The following MINDY2 variants were observed in gnomAD, a reference collection of about 807,000 sequenced individuals.
MINDY2 encodes ubiquitin carboxyl-terminal hydrolase MINDY-2.
A neutral mutation model predicts 68.2 loss-of-function variants in MINDY2; 52 were observed. The observed-to-expected ratio is 0.76, with a 90% CI of 0.61 to 0.96. The LOEUF (loss-of-function observed/expected upper bound fraction) is 0.96, where lower values mean the gene tolerates loss of function less well. MINDY2 is among the 40% of genes least tolerant of loss of function. MINDY2 has a pLI of 0.00. For missense variants in MINDY2, 881 were observed against 773.4 expected, an observed-to-expected ratio of 1.14 and a Z score of -1.65; for synonymous variants, 372 against 303.0, an observed-to-expected ratio of 1.23 and a Z score of -2.36.
chr15:58,804,334 T>C (rs1364571387), intron 3 of MINDY2, among the ~76,000 whole-genome samples: 1 of 152,226 alleles, frequency 6.6e-6, no homozygotes, highest in East Asian at 1.9e-4. Context: ...GTTTAATTTA[T>C]ATCATGTATT....
intron 7 of MINDY2, among the ~76,000 whole-genome samples, chr15:58,849,295 G>T (rs1181541698): frequency 3.3e-5 from 5 of 152,058 alleles, no homozygotes; most frequent in African/African-American, 1.2e-4. Flanking sequence ...GAGGTCGGGA[G>T]ATCAAGACCA....
At chr15:58,852,802 T>C (rs1220755448) in intron 8 of MINDY2, among the ~76,000 whole-genome samples, 1 of 152,108 alleles carries the variant, frequency 6.6e-6, no homozygotes, top group African/African-American at 2.4e-5. Flanking sequence ...TCACTTTCTG[T>C]AGTTAAACGG....
At chr15:58,791,664 G>GTGTA (rs1322155359) in intron 2 of MINDY2, among the ~76,000 whole-genome samples, 1 of 139,874 alleles carries the variant, frequency 7.1e-6, no homozygotes, top group African/African-American at 2.7e-5. Flanking sequence ...GTGTGTGTAT[G>GTGTA]TGTGTGTGTG....
At chr15:58,843,312 G>A (rs1248784316) in intron 6 of MINDY2, among the ~76,000 whole-genome samples, 1 of 151,980 alleles carries the variant, frequency 6.6e-6, no homozygotes, top group African/African-American at 2.4e-5. Flanking sequence ...ACTACACCTG[G>A]CTAACTTTTT....
chr15:58,818,290 A>T (rs550238667), intron 4 of MINDY2, among the ~76,000 whole-genome samples: 2 of 152,122 alleles, frequency 1.3e-5, no homozygotes, highest in South Asian at 4.1e-4. Context: ...ACAAGATCTT[A>T]CTCTGACACC....
chr15:58,798,036 A>C (rs1424996836), intron 2 of MINDY2, among the ~76,000 whole-genome samples: 1 of 152,202 alleles, frequency 6.6e-6, no homozygotes. Flanking sequence ...ATGCTCAAAA[A>C]TACATCCCTC....
chr15:58,818,814 T>C (rs2030872917), intron 4 of MINDY2, among the ~76,000 whole-genome samples: 1 of 148,238 alleles, frequency 6.7e-6, no homozygotes, highest in African/African-American at 2.6e-5. Flanking sequence ...TAATTTTTTG[T>C]ATTTTTTGTA....
In MINDY2 at chr15:58,859,065, TAAC is replaced by T. The variant is rs1330364803; in HGVS notation, c.*4458_*4460del. 6.6e-6 allele frequency: 1 copy of T among 152,136 alleles called. No homozygotes were observed. Among genetic ancestry groups the T allele is most frequent in the Non-Finnish European group, 1.5e-5 (1 of 67,972 alleles). The allele number at this position is 152,136 out of a possible 1,614,324, so 9.4% of individuals were successfully genotyped here. A position where few individuals can be genotyped will look rare whatever the true frequency, so the allele number is the denominator to read the frequency against. On this transcript the variant is annotated 3_prime_UTR_variant, in exon 9 of 9. Coordinates refer to ENST00000559228, the MANE Select transcript of MINDY2 (RefSeq NM_001040450.3). Reference sequence around the variant, plus strand: ...TTGAATGTGCACACTTTTTTCTCAATAACAAAATATATCTTAAGTCAGTTTTTT... The same window carrying T: ...TTGAATGTGCACACTTTTTTCTCAATAAAATATATCTTAAGTCAGTTTTTT...
intron 3 of MINDY2, among the ~76,000 whole-genome samples, chr15:58,804,047 T>G (rs1200266814): frequency 2.0e-5 from 3 of 148,174 alleles, no homozygotes; most frequent in Non-Finnish European, 4.4e-5. Context: ...GAGAATGGCG[T>G]GAACCTGGGA....
intron 2 of MINDY2, among the ~76,000 whole-genome samples, chr15:58,793,653 T>C (rs1014045964): frequency 7.2e-5 from 11 of 152,144 alleles, no homozygotes; most frequent in African/African-American, 2.6e-4. Context: ...TTTATACAAA[T>C]AGAAAAATTA....
At chr15:58,806,389 A>G (rs1187043803) in intron 3 of MINDY2, among the ~76,000 whole-genome samples, 2 of 129,606 alleles carry the variant, frequency 1.5e-5, no homozygotes, top group Non-Finnish European at 3.2e-5. Context: ...ACAGGGTCTC[A>G]CTCTGTCACT....
intron 4 of MINDY2, among the ~76,000 whole-genome samples, chr15:58,817,194 A>G (rs1333984379): frequency 6.6e-6 from 1 of 152,224 alleles, no homozygotes; most frequent in Non-Finnish European, 1.5e-5. Context: ...AGAGTAGAAG[A>G]TGAATTGCAA....
intron 2 of MINDY2, among the ~76,000 whole-genome samples, chr15:58,788,399 G>A (rs1331177567): frequency 6.6e-6 from 1 of 152,178 alleles, no homozygotes; most frequent in Non-Finnish European, 1.5e-5. Flanking sequence ...GCTACAGTGA[G>A]GTAGAATCTT....
chr15:58,815,993 C>G (rs2030661800), intron 4 of MINDY2, among the ~76,000 whole-genome samples: 1 of 152,150 alleles, frequency 6.6e-6, no homozygotes. Context: ...GCTATTATTT[C>G]TTTACCTGGT....
At chr15:58,836,401 A>G (rs2031995841) in intron 6 of MINDY2, among the ~76,000 whole-genome samples, 1 of 152,106 alleles carries the variant, frequency 6.6e-6, no homozygotes, top group Non-Finnish European at 1.5e-5. Flanking sequence ...GGATCTAATC[A>G]AAGACCATGC....
intron 6 of MINDY2, among the ~76,000 whole-genome samples, chr15:58,833,316 A>C (rs1343965158): frequency 6.6e-6 from 1 of 152,162 alleles, no homozygotes; most frequent in Non-Finnish European, 1.5e-5. Flanking sequence ...TATACCTTCT[A>C]ATTTCTGCAC....
At chr15:58,775,124 C>A (rs964963085) in intron 1 of MINDY2, among the ~76,000 whole-genome samples, 1 of 152,180 alleles carries the variant, frequency 6.6e-6, no homozygotes, top group East Asian at 1.9e-4. Flanking sequence ...TACTCTCTTA[C>A]AAGTGTCCGT....
At chr15:58,840,628 CTTATTATTATTATTATTA>C (rs71119408) in intron 6 of MINDY2, among the ~76,000 whole-genome samples, 26 of 139,264 alleles carry the variant, frequency 1.9e-4, no homozygotes, top group Admixed American at 5.9e-4. Context: ...TATTTATTTA[CTTATTATTATTATTATTA>C]TTATTATTAT....
At chr15:58,783,558 T>A (rs1213084367) in intron 1 of MINDY2, among the ~76,000 whole-genome samples, 4 of 152,256 alleles carry the variant, frequency 2.6e-5, no homozygotes, top group Non-Finnish European at 5.9e-5. Flanking sequence ...CACTTACAGT[T>A]TAAACAGAAG....
Sources: gnomAD v4.1 joint callset for allele counts (sites outside exome capture counted in the v4.1 genomes callset) on GRCh38, gnomAD v4.1.1 for gene constraint, MANE v1.5 for transcripts, NCBI Gene and HGNC (gene_info 2026-07-23, HGNC 2026-07-21) for gene names.